Variants in CNTNAP2 observed in about 807,000 individuals in gnomAD.
CNTNAP2 encodes contactin-associated protein-like 2.
CNTNAP2 carries 98 observed loss-of-function variants against 155.2 expected under a neutral mutation model. That is an observed-to-expected ratio of 0.63 (90% CI 0.54 to 0.75). The LOEUF is 0.75. Ranked by LOEUF, CNTNAP2 falls within the 30% of genes least tolerant of loss-of-function variation. CNTNAP2 has a pLI of 0.00. For missense variants in CNTNAP2, 1,727 were observed against 1,688.1 expected, an observed-to-expected ratio of 1.02 and a Z score of -0.40; for synonymous variants, 651 against 631.2, an observed-to-expected ratio of 1.03 and a Z score of -0.47.
At chr7:146,569,025 T>C (rs1798400287) in intron 1 of CNTNAP2, among the ~76,000 whole-genome samples, 3 of 151,876 alleles carry the variant, frequency 2.0e-5, no homozygotes, top group Admixed American at 2.0e-4. Context: ...TATTTATTTA[T>C]TTACTTTTTG....
At chr7:147,791,029 AC>A (rs1431086754) in intron 13 of CNTNAP2, among the ~76,000 whole-genome samples, 1 of 152,212 alleles carries the variant, frequency 6.6e-6, no homozygotes, top group Non-Finnish European at 1.5e-5. Flanking sequence ...TTGTAAAGTT[AC>A]TTTTCTATTA....
At position 146,565,389 on chromosome 7, in the gene CNTNAP2, T is replaced by A. The variant is rs181772446; in HGVS notation, c.98-208882T>A. Among the ~76,000 whole-genome samples, 411 of 152,290 alleles carry A rather than the reference T, an allele frequency of 2.7e-3. 1 individual carries two copies. Among genetic ancestry groups the A allele is most frequent in the Middle Eastern group, 6.8e-3 (2 of 294 alleles). ...ACCTGAAAGTATATTCATAGCCATT[T>A]TTTTTTTGTTAATGTTAAATAACAG... On this transcript the variant is annotated intron_variant, in intron 1 of 23. Transcript: ENST00000361727.
chr7:148,085,716 C>T (rs1426811654), intron 15 of CNTNAP2, among the ~76,000 whole-genome samples: 1 of 151,416 alleles, frequency 6.6e-6, no homozygotes, highest in African/African-American at 2.4e-5. Context: ...TCCTTCCTTC[C>T]TTCCTTCCCT....
intron 21 of CNTNAP2, among the ~76,000 whole-genome samples, chr7:148,324,484 C>G (rs1254842902): frequency 6.6e-6 from 1 of 152,158 alleles, no homozygotes; most frequent in Non-Finnish European, 1.5e-5. Context: ...CTCCTCCCAC[C>G]AGAATGTAAT....
chr7:147,752,264 G>A (rs1338257217), intron 13 of CNTNAP2, among the ~76,000 whole-genome samples: 1 of 152,070 alleles, frequency 6.6e-6, no homozygotes, highest in Non-Finnish European at 1.5e-5. Flanking sequence ...TTCTGTGCAA[G>A]AAAACCTGTT....
chr7:147,278,264 G>A (rs1804948946), intron 8 of CNTNAP2, among the ~76,000 whole-genome samples: 1 of 151,558 alleles, frequency 6.6e-6, no homozygotes, highest in Admixed American at 6.6e-5. Context: ...TCAAAAGAAA[G>A]TAATCCATCC....
intron 16 of CNTNAP2, among the ~76,000 whole-genome samples, chr7:148,144,718 T>C (rs1805142536): frequency 6.6e-6 from 1 of 152,326 alleles, no homozygotes; most frequent in East Asian, 1.9e-4. Context: ...TACTTATTTC[T>C]GGAAATGAGA....
At chr7:147,791,453 CT>C (rs35344971) in intron 13 of CNTNAP2, among the ~76,000 whole-genome samples, 39,414 of 123,140 alleles carry the variant, frequency 0.32, 5,519 homozygotes, top group East Asian at 0.48. Context: ...CTCTCTCTCT[CT>C]TTTTTTTTTT....
intron 1 of CNTNAP2, among the ~76,000 whole-genome samples, chr7:146,678,030 A>C (rs1001791636): frequency 6.6e-6 from 1 of 152,076 alleles, no homozygotes; most frequent in East Asian, 1.9e-4. Flanking sequence ...AAATGCTTAT[A>C]AATATAATTT....
intron 15 of CNTNAP2, among the ~76,000 whole-genome samples, chr7:147,991,712 G>C (rs758256316): frequency 2.8e-4 from 43 of 152,140 alleles, no homozygotes; most frequent in Non-Finnish European, 4.7e-4. Context: ...GCCCTTCAGA[G>C]ATCCAAGTAG....
intron 8 of CNTNAP2, among the ~76,000 whole-genome samples, chr7:147,230,249 A>AATTT (rs950962706): frequency 1.2e-4 from 18 of 150,990 alleles, no homozygotes; most frequent in East Asian, 3.9e-4. Flanking sequence ...TTATTTTTTG[A>AATTT]ATTTATTTAT....
chr7:147,626,951 G>A lies in CNTNAP2; in HGVS notation c.1898-12155G>A, dbSNP rs112806663. Among the ~76,000 whole-genome samples the A allele has an allele frequency of 4.4e-3, 668 of 152,304 alleles. 6 individuals are homozygous for A. Among genetic ancestry groups the A allele is most frequent in the African/African-American group, 0.015 (605 of 41,566 alleles). On this transcript the variant is annotated intron_variant, in intron 12 of 23. Coordinates refer to ENST00000361727, the MANE Select transcript of CNTNAP2 (RefSeq NM_014141.6). Reference sequence around the variant, plus strand: ...TGCCACCTCTACCAGAGCAGGTGCTGGTATCCATGATTGAGAGACCTGAAG... The same window carrying A: ...TGCCACCTCTACCAGAGCAGGTGCTAGTATCCATGATTGAGAGACCTGAAG...
At chr7:147,804,194 A>G (rs534638926) in intron 13 of CNTNAP2, among the ~76,000 whole-genome samples, 2 of 152,192 alleles carry the variant, frequency 1.3e-5, no homozygotes, top group Non-Finnish European at 2.9e-5. Context: ...ATCTACTACT[A>G]TGACTTGGAG....
chr7:147,836,127 T>G (rs79412411), intron 13 of CNTNAP2, among the ~76,000 whole-genome samples: 8,203 of 152,156 alleles, frequency 0.054, 741 homozygotes, highest in African/African-American at 0.19. Context: ...TAAAAAGCAA[T>G]CCAGGAAGAA....
rs1442515854 is a variant in CNTNAP2 at position 147,863,851 on chromosome 7, C to G, written c.2099-39714C>G. Among the ~76,000 whole-genome samples, 7 of 151,786 alleles carry G rather than the reference C, an allele frequency of 4.6e-5. No homozygotes were observed. In the East Asian group the frequency reaches 1.2e-3, roughly 25 times the overall value. The stretch of plus-strand genomic sequence containing the variant: ...AGCCCTTTGTCAGATGGGTAGATTG[C>G]AAAAATTTTCTCCCATTCTGTAGGT... On this transcript the variant is annotated intron_variant, in intron 13 of 23. Coordinates refer to ENST00000361727, the MANE Select transcript of CNTNAP2 (RefSeq NM_014141.6).
chr7:147,336,465 C>G (rs966228753), intron 9 of CNTNAP2, among the ~76,000 whole-genome samples: 1 of 152,064 alleles, frequency 6.6e-6, no homozygotes, highest in African/African-American at 2.4e-5. Context: ...TTCATAAGAC[C>G]TTAAGACACT....
intron 4 of CNTNAP2, among the ~76,000 whole-genome samples, chr7:147,095,564 T>A (rs1800514108): frequency 6.6e-6 from 1 of 151,886 alleles, no homozygotes; most frequent in Admixed American, 6.6e-5. Context: ...CTATTTCAAA[T>A]CTCAGTGAAT....
At chr7:146,906,334 C>T (rs1050686557) in intron 3 of CNTNAP2, among the ~76,000 whole-genome samples, 1 of 152,224 alleles carries the variant, frequency 6.6e-6, no homozygotes, top group Non-Finnish European at 1.5e-5. Flanking sequence ...TCTGTAGGCT[C>T]CACCTCTGGG....
At chr7:147,279,520 A>G (rs1031550167) in intron 8 of CNTNAP2, among the ~76,000 whole-genome samples, 1 of 151,812 alleles carries the variant, frequency 6.6e-6, no homozygotes, top group African/African-American at 2.4e-5. Context: ...ATTTCCATAA[A>G]ATGATAACTT....
Sources: allele counts gnomAD v4.1 joint callset (sites outside exome capture counted in the v4.1 genomes callset), GRCh38; gene constraint gnomAD v4.1.1; transcripts MANE v1.5; gene names NCBI Gene and HGNC (gene_info 2026-07-23, HGNC 2026-07-21).